Variants in HSD3B2 observed in about 807,000 individuals in gnomAD.
The protein encoded by HSD3B2 is 3 beta-hydroxysteroid dehydrogenase/Delta 5-->4-isomerase type 2.
A neutral mutation model predicts 9.9 loss-of-function variants in HSD3B2; 8 were observed. The ratio of observed to expected loss-of-function variants is 0.81; its 90% CI spans 0.47 to 1.46. The LOEUF is 1.46. Ranked by LOEUF, HSD3B2 falls within the 40% of genes most tolerant of loss-of-function variation. HSD3B2 has a pLI of 0.00. For synonymous variants in HSD3B2, 221 were observed against 184.5 expected (o/e 1.20, Z -1.60); for missense variants, 410 against 448.3 (o/e 0.91, Z 0.77).
At chr1:119,419,024 T>C (rs587640352) in intron 2 of HSD3B2, among the ~76,000 whole-genome samples, 2 of 152,302 alleles carry the variant, frequency 1.3e-5, no homozygotes, top group African/African-American at 4.8e-5. Context: ...ATCATAATTC[T>C]ATACATGATT....
Position 119,418,617 on chromosome 1 carries a change from TTTATTATTATTACTATTA to T in HSD3B2, c.143-788_143-771del, listed in dbSNP as rs1435363374. On this transcript the variant is annotated intron_variant, in intron 2 of 3. Coordinates refer to ENST00000369416, the MANE Select transcript of HSD3B2 (RefSeq NM_000198.4). ...GCCACAACTCTGCGTCTGTTTATCT[TTTATTATTATTACTATTA>T]TTATTATTATTATTATTATTATTAT... Among the ~76,000 whole-genome samples, 410 of 114,946 alleles carry T rather than the reference TTTATTATTATTACTATTA, an allele frequency of 3.6e-3. 3 individuals carry two copies. Among genetic ancestry groups the T allele is most frequent in the African/African-American group, 0.013 (386 of 30,366 alleles). 75.4% of individuals were successfully genotyped at this position (114,946 alleles called of 152,430 possible).
rs375047799 is a variant in HSD3B2, at chr1:119,421,800, C to T, written c.308-9C>T. On this transcript the variant is annotated splice_polypyrimidine_tract_variant and intron_variant, in intron 3 of 3. Coordinates refer to ENST00000369416, the MANE Select transcript of HSD3B2 (RefSeq NM_000198.4). The stretch of plus-strand genomic sequence containing the variant: ...TTCCTGACACTGTCATCATGCTCTT[C>T]GTGGGCAGGTACCCAGCTACTGTTG... 879 of 1,613,472 alleles carry T rather than the reference C, an allele frequency of 5.4e-4. 13 individuals are homozygous for T. The South Asian group carries it at 8.6e-3, about 16-fold the overall frequency.
At position 119,422,450 on chromosome 1, in the gene HSD3B2, C is replaced by T; in HGVS notation, c.949C>T (p.His317Tyr). 6.2e-7 allele frequency: 1 copy of T among 1,614,094 alleles called. No individual in the cohort carries two copies. Among genetic ancestry groups the T allele is most frequent in the Non-Finnish European group, 8.5e-7 (1 of 1,179,982 alleles). The change falls in exon 4 of 4, where the codon CAC becomes TAC. Residue 317 changes from histidine to tyrosine, a missense_variant. Physicochemically the swap from His to Tyr is moderately conservative, Grantham distance 83. Coordinates refer to ENST00000369416, the MANE Select transcript of HSD3B2 (RefSeq NM_000198.4). ...IYSYQPPFNRHTVTLSNSVFT... is the reference protein window; with the variant it reads ...IYSYQPPFNRYTVTLSNSVFT... ...CTCCTATCAACCCCCCTTCAACCGCCACACAGTCACATTATCAAATAGTGT... is the reference window on the plus strand; with the variant it reads ...CTCCTATCAACCCCCCTTCAACCGCTACACAGTCACATTATCAAATAGTGT...
At chr1:119,417,592 G>A in intron 2 of HSD3B2, 1 of 152,338 alleles carries the variant, frequency 6.6e-6, no homozygotes, top group Non-Finnish European at 1.5e-5. Flanking sequence ...CCATTCCAGG[G>A]CCTTCTTGGA....
intron 2 of HSD3B2, among the ~76,000 whole-genome samples, chr1:119,418,802 C>A (rs1002486537): frequency 6.6e-6 from 1 of 151,930 alleles, no homozygotes; most frequent in Non-Finnish European, 1.5e-5. Context: ...TAGGCACATA[C>A]CATCACGCCC....
At chr1:119,418,181 G>A (rs1312006644) in intron 2 of HSD3B2, among the ~76,000 whole-genome samples, 4 of 152,194 alleles carry the variant, frequency 2.6e-5, no homozygotes, top group Non-Finnish European at 2.9e-5. Flanking sequence ...CTAGACATTA[G>A]ACAGCTGAGA....
chr1:119,418,630 C>CTATTAT lies in HSD3B2; in HGVS notation c.143-756_143-751dup, dbSNP rs5777392. Among the ~76,000 whole-genome samples the CTATTAT allele has an allele frequency of 6.7e-3, 827 of 123,846 alleles. 1 individual carries two copies. The highest frequency in any genetic ancestry group is 0.037 in the East Asian group (161 of 4,392). The allele number at this position is 123,846 out of a possible 152,430, so 81.2% of individuals were successfully genotyped here. ...GTCTGTTTATCTTTTATTATTATTA[C>CTATTAT]TATTATTATTATTATTATTATTATT... On this transcript the variant is annotated intron_variant, in intron 2 of 3. Transcript: ENST00000369416.
At position 119,421,379 on chromosome 1, in the gene HSD3B2, A is replaced by ATATATATATATGTATATATATATG. The variant is rs1246490139; in HGVS notation, c.308-418_308-395dup. On this transcript the variant is annotated intron_variant, in intron 3 of 3. Transcript: ENST00000369416. The stretch of plus-strand genomic sequence containing the variant: ...TTTTCCAAAATTAAAGTGTGTGTGT[A>ATATATATATATGTATATATATATG]TATATATATATGTATATATATATGT... Among the ~76,000 whole-genome samples the ATATATATATATGTATATATATATG allele has an allele frequency of 3.1e-3, 339 of 110,852 alleles. 10 individuals carry two copies. The highest frequency in any genetic ancestry group is 4.4e-3 in the Non-Finnish European group (231 of 52,568). 72.7% of individuals were successfully genotyped at this position (110,852 alleles called of 152,430 possible).
chr1:119,419,120 G>A (rs899127609), intron 2 of HSD3B2, among the ~76,000 whole-genome samples: 1 of 152,086 alleles, frequency 6.6e-6, no homozygotes, highest in African/African-American at 2.4e-5. Flanking sequence ...AAAATTTGGT[G>A]AGTCTCCCAT....
chr1:119,422,511 T>C lies in HSD3B2; in HGVS notation c.1010T>C (p.Leu337Pro). 1 of 1,614,104 alleles carries C rather than the reference T, an allele frequency of 6.2e-7. No homozygotes were observed. The highest frequency in any genetic ancestry group is 8.5e-7 in the Non-Finnish European group (1 of 1,179,998). ...TFSYKKAQRD[L>P]AYKPLYSWEE... ...TCTTACAAGAAGGCTCAGCGAGATC[T>C]GGCGTATAAGCCACTCTACAGCTGG... Residue 337 changes from leucine (L) to proline (P), a missense_variant, in exon 4 of 4, where the codon CTG (leucine) becomes CCG (proline). Leu to Pro is a moderately conservative substitution (Grantham distance 98). Coordinates refer to ENST00000369416, the MANE Select transcript of HSD3B2 (RefSeq NM_000198.4).
Position 119,422,567 on chromosome 1 carries a change from G to A in HSD3B2, c.1066G>A (p.Val356Ile), listed in dbSNP as rs917436042. The part of the protein sequence containing the change: ...EEAKQKTVEW[V>I]GSLVDRHKET... ...AGCCAAGCAGAAAACCGTGGAGTGG[G>A]TTGGTTCCCTTGTGGACCGGCACAA... Residue 356 changes from valine (V) to isoleucine (I), a missense_variant, in exon 4 of 4, where the codon GTT becomes ATT. Coordinates refer to ENST00000369416, the MANE Select transcript of HSD3B2 (RefSeq NM_000198.4). The A allele has an allele frequency of 3.7e-6, 6 of 1,613,972 alleles. No individual in the cohort carries two copies. The highest frequency in any genetic ancestry group is 1.3e-5 in the African/African-American group (1 of 74,930).
At chr1:119,415,619 G>T in intron 2 of HSD3B2, 58 bp downstream of exon 2, 1 of 1,585,532 alleles carries the variant, frequency 6.3e-7, no homozygotes, top group Non-Finnish European at 8.7e-7. Flanking sequence ...ATGGGTGTGG[G>T]GAGGTTGACC....
chr1:119,419,586 C>G lies in HSD3B2; in HGVS notation c.307+4C>G. 1.9e-6 allele frequency: 3 copies of G among 1,613,404 alleles called. No individual in the cohort carries two copies. Among genetic ancestry groups the G allele is most frequent in the Non-Finnish European group, 2.5e-6 (3 of 1,179,466 alleles). ...ATCATGAATGTCAATGTGAAAGGTA[C>G]AGTAGCCTGGGGAGGAGATAAAACA... is the stretch of plus-strand genomic sequence containing the variant. On this transcript the variant is annotated splice_donor_region_variant and intron_variant, in intron 3 of 3. Coordinates refer to ENST00000369416, the MANE Select transcript of HSD3B2 (RefSeq NM_000198.4).
intron 2 of HSD3B2, among the ~76,000 whole-genome samples, chr1:119,416,671 G>A (rs780752485): frequency 2.6e-5 from 4 of 152,124 alleles, no homozygotes; most frequent in Non-Finnish European, 5.9e-5. Context: ...CTTCATGCAG[G>A]TTCTGGCTGC....
At position 119,422,005 on chromosome 1, in the gene HSD3B2, TAATGGGTGG is replaced by T. The variant is rs750849889; in HGVS notation, c.508_516del (p.Gly170_Asn172del). ...TTGCTGAGAAGGCTGTGCTGGCGGC[TAATGGGTGG>T]AATCTAAAAAATGGTGATACCTTGT... On this transcript the variant is annotated inframe_deletion, in exon 4 of 4. Transcript: ENST00000369416. The T allele has an allele frequency of 6.2e-7, 1 of 1,613,994 alleles. No individual in the cohort carries two copies. The highest frequency in any genetic ancestry group is 8.5e-7 in the Non-Finnish European group (1 of 1,180,002).
At chr1:119,415,055 G>A, upstream of HSD3B2, 1 of 323,818 alleles carries the variant, frequency 3.1e-6, no homozygotes, top group Non-Finnish European at 6.0e-6. Flanking sequence ...GATTCTGGAG[G>A]AGGAGGGAGC....
chr1:119,422,743 C>G lies in HSD3B2; in HGVS notation c.*123C>G. ...CAGGTCCTGCTGCCTCTCTTTCACA[C>G]AATGCCCAACTTACTGTCTTCTTCA... On this transcript the variant is annotated 3_prime_UTR_variant, in exon 4 of 4. Coordinates refer to ENST00000369416, the MANE Select transcript of HSD3B2 (RefSeq NM_000198.4). The G allele has an allele frequency of 8.9e-7, 1 of 1,125,116 alleles. No homozygotes were observed. The allele number at this position is 1,125,116 out of a possible 1,614,324, so 69.7% of individuals were successfully genotyped here.
chr1:119,422,691 A>C lies in HSD3B2; in HGVS notation c.*71A>C, dbSNP rs1346534077. ...CATCAAACTCCACCCACCTGGCTTCATACAGAAGGCAACAGGGGCACAAGC... is the reference window on the plus strand; with the variant it reads ...CATCAAACTCCACCCACCTGGCTTCCTACAGAAGGCAACAGGGGCACAAGC... On this transcript the variant is annotated 3_prime_UTR_variant, in exon 4 of 4. Coordinates refer to ENST00000369416, the MANE Select transcript of HSD3B2 (RefSeq NM_000198.4). 1 of 1,573,798 alleles carries C rather than the reference A, an allele frequency of 6.4e-7. No homozygotes were observed. Among genetic ancestry groups the C allele is most frequent in the African/African-American group, 1.3e-5 (1 of 74,392 alleles).
chr1:119,422,493 A>G lies in HSD3B2; in HGVS notation c.992A>G (p.Lys331Arg), dbSNP rs766077589. The change falls in exon 4 of 4, where the codon AAG becomes AGG. Residue 331 changes from lysine (K) to arginine (R), a missense_variant. Physicochemically the swap from Lys to Arg is conservative, Grantham distance 26. Coordinates refer to ENST00000369416, the MANE Select transcript of HSD3B2 (RefSeq NM_000198.4). ...LSNSVFTFSY[K>R]KAQRDLAYKP... ...AATAGTGTGTTCACCTTCTCTTACA[A>G]GAAGGCTCAGCGAGATCTGGCGTAT... 6.2e-7 allele frequency: 1 copy of G among 1,613,960 alleles called. No individual in the cohort carries two copies. Among genetic ancestry groups the G allele is most frequent in the East Asian group, 2.2e-5 (1 of 44,866 alleles).
Sources: gnomAD v4.1 joint callset for allele counts (sites outside exome capture counted in the v4.1 genomes callset) on GRCh38, gnomAD v4.1.1 for gene constraint, MANE v1.5 for transcripts, NCBI Gene and HGNC (gene_info 2026-07-23, HGNC 2026-07-21) for gene names.